The following ASAP1 variants were observed in gnomAD, a reference collection of about 807,000 sequenced individuals.
The protein encoded by ASAP1 is ArfGAP with SH3 domain, ankyrin repeat and PH domain 1.
Under a neutral mutation model 145.2 loss-of-function variants are expected in ASAP1, and 43 were observed. The ratio of observed to expected loss-of-function variants is 0.30; its 90% CI spans 0.23 to 0.38. ASAP1 has a LOEUF of 0.38. Among genes scored for constraint, ASAP1 ranks in the 10% least tolerant of loss-of-function variants. The probability of loss-of-function intolerance (pLI) is 1.00; values close to 1 mark genes in which losing one functional copy is unlikely to be tolerated. For missense variants in ASAP1, 1,018 were observed against 1,355.3 expected (o/e 0.75, Z 3.91); for synonymous variants, 546 against 515.5 (o/e 1.06, Z -0.80).
intron 3 of ASAP1, among the ~76,000 whole-genome samples, chr8:130,283,358 A>G (rs1422767467): frequency 6.6e-6 from 1 of 152,154 alleles, no homozygotes; most frequent in East Asian, 1.9e-4. Flanking sequence ...AGGCGGGTGG[A>G]TCACGAGGTC....
intron 5 of ASAP1, among the ~76,000 whole-genome samples, chr8:130,211,736 A>G (rs532701169): frequency 3.3e-5 from 5 of 152,006 alleles, no homozygotes; most frequent in African/African-American, 1.2e-4. Context: ...ATTTTTTAGT[A>G]TTTAGCATAG....
chr8:130,362,023 A>G (rs958647719), intron 2 of ASAP1, among the ~76,000 whole-genome samples: 2 of 152,122 alleles, frequency 1.3e-5, no homozygotes, highest in Non-Finnish European at 2.9e-5. Flanking sequence ...TTCTAACACC[A>G]TGATTATGGC....
chr8:130,118,570 G>C lies in ASAP1; in HGVS notation c.1713C>G (p.Ile571Met), dbSNP rs766635012. ...TTAGTGCAAGTAAATCCCTGGATTTGATGGCCTCAAGCAATTCATTTAGTT... is the reference window on the plus strand; with the variant it reads ...TTAGTGCAAGTAAATCCCTGGATTTCATGGCCTCAAGCAATTCATTTAGTT... ...SAKLNELLEA[I>M]KSRDLLALIQ... The change falls in exon 19 of 30, where the codon ATC becomes ATG. Residue 571 changes from isoleucine (I) to methionine (M), a missense_variant. Transcript: ENST00000518721. 4.3e-6 allele frequency: 7 copies of C among 1,613,974 alleles called. No individual in the cohort carries two copies.
chr8:130,207,718 A>T (rs1489224153), intron 5 of ASAP1, among the ~76,000 whole-genome samples: 1 of 152,202 alleles, frequency 6.6e-6, no homozygotes, highest in Non-Finnish European at 1.5e-5. Context: ...AAACAACAGC[A>T]ATAGAATAGA....
intron 12 of ASAP1, among the ~76,000 whole-genome samples, chr8:130,156,646 A>AAAAAC (rs1652583413): frequency 6.6e-6 from 1 of 152,200 alleles, no homozygotes; most frequent in Non-Finnish European, 1.5e-5. Context: ...GGCCCTTTTG[A>AAAAAC]AAAACAAAGG....
intron 1 of ASAP1, among the ~76,000 whole-genome samples, chr8:130,432,121 G>A (rs1431648110): frequency 7.4e-5 from 9 of 122,054 alleles, no homozygotes; most frequent in African/African-American, 1.2e-4. Context: ...GAGGGAAGAG[G>A]AGGAAAGGAG....
chr8:130,082,393 A>C (rs1276029204), intron 25 of ASAP1, among the ~76,000 whole-genome samples: 1 of 151,064 alleles, frequency 6.6e-6, no homozygotes, highest in Non-Finnish European at 1.5e-5. Flanking sequence ...TTTTTTCAAG[A>C]TGGGGTCTAA....
intron 3 of ASAP1, among the ~76,000 whole-genome samples, chr8:130,332,850 G>GA: frequency 6.6e-6 from 1 of 151,012 alleles, no homozygotes; most frequent in Non-Finnish European, 1.5e-5. Flanking sequence ...TTTTATTTTT[G>GA]TAAAAAAAAT....
At chr8:130,122,234 C>T (rs903599205) in intron 18 of ASAP1, among the ~76,000 whole-genome samples, 1 of 152,286 alleles carries the variant, frequency 6.6e-6, no homozygotes, top group East Asian at 1.9e-4. Flanking sequence ...CTTTTTAATT[C>T]CCTGTGTTTT....
chr8:130,155,650 A>G lies in ASAP1; in HGVS notation c.1011-2845T>C, dbSNP rs147933068. 9.2e-3 allele frequency among the ~76,000 whole-genome samples: 1,406 copies of G among 152,320 alleles called. 12 individuals are homozygous for G. Among genetic ancestry groups the G allele is most frequent in the Middle Eastern group, 0.024 (7 of 294 alleles). ...GCATGAGCCACTGCGCCCAGCCAGC[A>G]CCTGATCTTTGTGAACATTTTGATA... On this transcript the variant is annotated intron_variant, in intron 12 of 29. Coordinates refer to ENST00000518721, the MANE Select transcript of ASAP1 (RefSeq NM_018482.4).
In ASAP1 at chr8:130,129,785, G is replaced by A. The variant is rs1049606248; in HGVS notation, c.1218-1695C>T. The stretch of plus-strand genomic sequence containing the variant: ...TCACCTTCAGTATGTTGGGAGAAAC[G>A]CATATACACAGCTTAACTTCTGTGA... On this transcript the variant is annotated intron_variant, in intron 15 of 29. Transcript: ENST00000518721. Among the ~76,000 whole-genome samples, 6 of 152,110 alleles carry A rather than the reference G, an allele frequency of 3.9e-5. No homozygotes were observed. The South Asian group carries it at 6.2e-4, about 16-fold the overall frequency.
At chr8:130,409,452 C>G (rs1829173434) in intron 1 of ASAP1, among the ~76,000 whole-genome samples, 1 of 152,138 alleles carries the variant, frequency 6.6e-6, no homozygotes, top group African/African-American at 2.4e-5. Context: ...AACCTCAGGC[C>G]AGGTAACTTT....
chr8:130,228,529 C>T (rs775072706), intron 4 of ASAP1, among the ~76,000 whole-genome samples: 27 of 151,794 alleles, frequency 1.8e-4, no homozygotes, highest in African/African-American at 5.1e-4. Flanking sequence ...GGCAAAACCA[C>T]GTCCCTACAA....
Position 130,357,935 on chromosome 8 carries a change from T to C in ASAP1, c.186+82A>G, listed in dbSNP as rs1231864287. 7 of 1,502,282 alleles carry C rather than the reference T, an allele frequency of 4.7e-6. No homozygotes were observed. The Admixed American group carries it at 1.4e-4, about 30-fold the overall frequency. 93.1% of individuals were successfully genotyped at this position (1,502,282 alleles called of 1,614,324 possible). ...GGCGCCCCCGGCCCCCGCGTCCCCT[T>C]CCTCCCAGCTCGGAGAGGAGATCCT... On this transcript the variant is annotated intron_variant, in intron 3 of 29. Transcript: ENST00000518721.
chr8:130,276,728 A>ACACACACACACACACTCTCTCTCT (rs548512902), intron 3 of ASAP1, among the ~76,000 whole-genome samples: 9 of 87,314 alleles, frequency 1.0e-4, no homozygotes, highest in East Asian at 4.9e-4. Context: ...ACACACACAC[A>ACACACACACACACACTCTCTCTCT]CTCTCTCTCT....
At chr8:130,122,834 G>A (rs2097568772) in intron 18 of ASAP1, among the ~76,000 whole-genome samples, 3 of 152,346 alleles carry the variant, frequency 2.0e-5, no homozygotes, top group South Asian at 2.1e-4. Context: ...CTTCCCACAT[G>A]AGAAACAGGA....
intron 3 of ASAP1, among the ~76,000 whole-genome samples, chr8:130,308,518 G>T (rs1252792393): frequency 6.6e-6 from 1 of 152,150 alleles, no homozygotes; most frequent in East Asian, 1.9e-4. Flanking sequence ...GTGTAACTAA[G>T]ATCTTTTGAT....
chr8:130,420,849 C>A (rs1408041732), intron 1 of ASAP1, among the ~76,000 whole-genome samples: 1 of 150,884 alleles, frequency 6.6e-6, no homozygotes, highest in Non-Finnish European at 1.5e-5. Flanking sequence ...GCCAAGATCA[C>A]GCCACTGCAC....
intron 24 of ASAP1, among the ~76,000 whole-genome samples, chr8:130,108,625 C>T (rs1429448315): frequency 6.6e-6 from 1 of 152,048 alleles, no homozygotes; most frequent in Non-Finnish European, 1.5e-5. Flanking sequence ...GTGGTGAAAC[C>T]CTGTCCCTAC....
Sources: allele counts gnomAD v4.1 joint callset (sites outside exome capture counted in the v4.1 genomes callset), GRCh38; gene constraint gnomAD v4.1.1; transcripts MANE v1.5; gene names NCBI Gene and HGNC (gene_info 2026-07-23, HGNC 2026-07-21).